The following RASGEF1A variants were observed in gnomAD, a reference collection of about 807,000 sequenced individuals.
RASGEF1A encodes RasGEF domain family member 1A.
In RASGEF1A, 18 loss-of-function variants were observed where a neutral mutation model predicts 56.4. That is an observed-to-expected ratio of 0.32 (90% CI 0.22 to 0.47). The LOEUF (loss-of-function observed/expected upper bound fraction) is 0.47, where lower values mean the gene tolerates loss of function less well. RASGEF1A is among the 20% of genes least tolerant of loss of function. RASGEF1A has a pLI of 1.00. For missense variants in RASGEF1A, 422 were observed against 627.1 expected (o/e 0.67, Z 3.49); for synonymous variants, 245 against 242.6 (o/e 1.01, Z -0.09).
intron 1 of RASGEF1A, among the ~76,000 whole-genome samples, chr10:43,238,337 A>G (rs1334477847): frequency 1.3e-5 from 2 of 152,210 alleles, no homozygotes; most frequent in Admixed American, 6.5e-5. Context: ...TCGCAGAGTC[A>G]GACCTGCCTT....
At chr10:43,207,942 C>A in intron 1 of RASGEF1A, 1 of 783,604 alleles carries the variant, frequency 1.3e-6, no homozygotes, top group Non-Finnish European at 1.5e-6. Context: ...AGGAAGCCTC[C>A]CTGGGTTTAA....
intron 1 of RASGEF1A, chr10:43,207,518 C>T (rs1840014195): frequency 2.0e-6 from 2 of 984,904 alleles, no homozygotes; most frequent in Non-Finnish European, 2.4e-6. Context: ...CACCAAACAC[C>T]TAAAGGTTTC....
chr10:43,247,070 A>G (rs920066824), intron 1 of RASGEF1A, among the ~76,000 whole-genome samples: 2 of 152,194 alleles, frequency 1.3e-5, no homozygotes, highest in Non-Finnish European at 2.9e-5. Context: ...TTACAATTCA[A>G]TGATAAAAAG....
chr10:43,229,523 G>T (rs907504737), intron 1 of RASGEF1A: 1 of 872,800 alleles, frequency 1.1e-6, no homozygotes, highest in South Asian at 1.8e-5. Context: ...GGGTCCTCAG[G>T]GCGGGCACCC....
intron 1 of RASGEF1A, among the ~76,000 whole-genome samples, chr10:43,244,628 A>C (rs1468344284): frequency 7.1e-6 from 1 of 140,000 alleles, no homozygotes; most frequent in Admixed American, 7.0e-5. Flanking sequence ...AAATAACAGA[A>C]GTCAACGGCA....
chr10:43,261,411 G>A (rs777558580), intron 1 of RASGEF1A, among the ~76,000 whole-genome samples: 4 of 152,220 alleles, frequency 2.6e-5, no homozygotes, highest in Non-Finnish European at 4.4e-5. Flanking sequence ...TGCCTGCAAT[G>A]GACAGTGTGG....
At chr10:43,232,977 A>G (rs941566318) in intron 1 of RASGEF1A, among the ~76,000 whole-genome samples, 1 of 151,986 alleles carries the variant, frequency 6.6e-6, no homozygotes, top group South Asian at 2.1e-4. Context: ...AGGGACCTCA[A>G]TGCTCCCTGC....
chr10:43,223,989 C>T (rs1588940093), intron 1 of RASGEF1A, among the ~76,000 whole-genome samples: 1 of 152,104 alleles, frequency 6.6e-6, no homozygotes, highest in African/African-American at 2.4e-5. Flanking sequence ...AAATGATCTG[C>T]AAGAACTTTT....
intron 1 of RASGEF1A, among the ~76,000 whole-genome samples, chr10:43,243,063 C>T (rs1320990649): frequency 1.3e-5 from 2 of 151,372 alleles, no homozygotes; most frequent in East Asian, 3.9e-4. Flanking sequence ...TCTGCCCGGC[C>T]GCCACCCCAT....
At chr10:43,223,713 T>C (rs562655426) in intron 1 of RASGEF1A, among the ~76,000 whole-genome samples, 130 of 152,298 alleles carry the variant, frequency 8.5e-4, no homozygotes, top group African/African-American at 2.9e-3. Context: ...CCTCTTGCAA[T>C]TCTAATCAAC....
At chr10:43,216,300 A>T (rs2133198616) in intron 1 of RASGEF1A, among the ~76,000 whole-genome samples, 1 of 152,234 alleles carries the variant, frequency 6.6e-6, no homozygotes, top group East Asian at 1.9e-4. Context: ...CCACTCTGTG[A>T]GGGTCTGGGC....
rs114067901 is a variant in RASGEF1A at position 43,229,588 on chromosome 10, G to T, written c.-6-23466C>A. On this transcript the variant is annotated intron_variant, in intron 1 of 12. Coordinates refer to ENST00000395810, the MANE Select transcript of RASGEF1A (RefSeq NM_145313.4). ...TCGCACCCCTCCCGAGCCCGACAGCGCAAGAACCCTGCCCCGCGGCCTTGC... is the reference window on the plus strand; with the variant it reads ...TCGCACCCCTCCCGAGCCCGACAGCTCAAGAACCCTGCCCCGCGGCCTTGC... The T allele has an allele frequency of 4.2e-6, 6 of 1,440,346 alleles. No individual in the cohort carries two copies. In the African/African-American group the frequency reaches 5.9e-5, roughly 14 times the overall value. 89.2% of individuals were successfully genotyped at this position (1,440,346 alleles called of 1,614,324 possible).
At chr10:43,234,728 C>T (rs1840409865) in intron 1 of RASGEF1A, among the ~76,000 whole-genome samples, 1 of 152,248 alleles carries the variant, frequency 6.6e-6, no homozygotes, top group South Asian at 2.1e-4. Context: ...GCATACCTCT[C>T]TATCCTCTCC....
chr10:43,214,796 G>A (rs1027214140), intron 1 of RASGEF1A, among the ~76,000 whole-genome samples: 9 of 152,218 alleles, frequency 5.9e-5, no homozygotes, highest in African/African-American at 1.7e-4. Context: ...TTTGCTTTAA[G>A]TGTGCATCGT....
At chr10:43,259,286 G>T (rs1158540732) in intron 1 of RASGEF1A, among the ~76,000 whole-genome samples, 1 of 152,202 alleles carries the variant, frequency 6.6e-6, no homozygotes, top group Non-Finnish European at 1.5e-5. Context: ...AAGCACAGCG[G>T]GTAGCCTCTT....
At chr10:43,210,982 T>C (rs4998264) in intron 1 of RASGEF1A, among the ~76,000 whole-genome samples, 4,585 of 50,448 alleles carry the variant, frequency 0.091, 262 homozygotes, top group South Asian at 0.19. Context: ...GAGCAGCAGC[T>C]CCTTGCAGGG....
intron 1 of RASGEF1A, among the ~76,000 whole-genome samples, chr10:43,243,929 G>C (rs1840538964): frequency 6.6e-6 from 1 of 152,212 alleles, no homozygotes; most frequent in African/African-American, 2.4e-5. Context: ...GACGATGGTG[G>C]TTTTGTTGAA....
intron 1 of RASGEF1A, chr10:43,207,731 C>G: frequency 1.0e-6 from 1 of 982,594 alleles, no homozygotes; most frequent in Middle Eastern, 5.2e-4. Context: ...TGCACATTCT[C>G]AGGCCTAGCC....
intron 1 of RASGEF1A, among the ~76,000 whole-genome samples, chr10:43,233,901 ATG>A (rs1840401113): frequency 6.6e-6 from 1 of 152,208 alleles, no homozygotes. Flanking sequence ...GAGCTGTGGC[ATG>A]TGTCACTCAA....
Sources: allele counts gnomAD v4.1 joint callset (sites outside exome capture counted in the v4.1 genomes callset), GRCh38; gene constraint gnomAD v4.1.1; transcripts MANE v1.5; gene names NCBI Gene and HGNC (gene_info 2026-07-23, HGNC 2026-07-21).